Variants in DPYD observed in about 807,000 individuals in gnomAD.
DPYD encodes the protein dihydropyrimidine dehydrogenase, also known as dihydropyrimidine dehydrogenase [NADP(+)].
Under a neutral mutation model 116.2 loss-of-function variants are expected in DPYD, and 109 were observed. The ratio of observed to expected loss-of-function variants is 0.94; its 90% CI spans 0.80 to 1.10. The LOEUF (loss-of-function observed/expected upper bound fraction) is 1.10. Ranked by LOEUF, DPYD falls within the 50% of genes least tolerant of loss-of-function variation. The pLI is 0.00. For synonymous variants in DPYD, 440 were observed against 432.0 expected (o/e 1.02, Z -0.23); for missense variants, 1,302 against 1,254.5 (o/e 1.04, Z -0.57).
chr1:97,421,605 A>G (rs1309275544), intron 14 of DPYD, among the ~76,000 whole-genome samples: 3 of 152,164 alleles, frequency 2.0e-5, no homozygotes, highest in Non-Finnish European at 4.4e-5. Context: ...TTGTTGGAAG[A>G]ATGTATTGTA....
chr1:97,887,290 T>C (rs1256389609), intron 1 of DPYD, among the ~76,000 whole-genome samples: 1 of 151,226 alleles, frequency 6.6e-6, no homozygotes, highest in Non-Finnish European at 1.5e-5. Context: ...GGCAACACAG[T>C]GAATCCCCAT....
intron 2 of DPYD, among the ~76,000 whole-genome samples, chr1:97,866,912 A>T (rs1288096581): frequency 6.6e-6 from 1 of 151,834 alleles, no homozygotes; most frequent in African/African-American, 2.4e-5. Flanking sequence ...AGTGACTAGG[A>T]GCCTGGGAAA....
At chr1:97,396,973 A>G (rs1426551623) in intron 14 of DPYD, among the ~76,000 whole-genome samples, 1 of 152,038 alleles carries the variant, frequency 6.6e-6, no homozygotes, top group African/African-American at 2.4e-5. Flanking sequence ...GTTTATTTAT[A>G]TACTTCTCTT....
At chr1:97,117,472 T>C (rs1043056830) in intron 20 of DPYD, among the ~76,000 whole-genome samples, 1 of 152,212 alleles carries the variant, frequency 6.6e-6, no homozygotes, top group Non-Finnish European at 1.5e-5. Context: ...GTTTCTTATG[T>C]ACTAATTCAA....
chr1:97,257,452 T>TATATATATATATAGAGAGAGAGAGAG (rs375490078), intron 18 of DPYD, among the ~76,000 whole-genome samples: 23 of 126,468 alleles, frequency 1.8e-4, no homozygotes, highest in African/African-American at 6.9e-4. Flanking sequence ...TATATATATA[T>TATATATATATATAGAGAGAGAGAGAG]AGAGAGAGAG....
chr1:97,542,522 A>C (rs951163293), intron 12 of DPYD, among the ~76,000 whole-genome samples: 3 of 152,046 alleles, frequency 2.0e-5, no homozygotes, highest in Non-Finnish European at 2.9e-5. Flanking sequence ...AATTTTTCTT[A>C]TTCTTTTTAA....
rs538163698 is a variant in DPYD at position 97,289,169 on chromosome 1, A to G, written c.2299+16090T>C. 5.1e-4 allele frequency among the ~76,000 whole-genome samples: 77 copies of G among 152,322 alleles called. No individual in the cohort carries two copies. In the East Asian group the frequency reaches 0.014, roughly 29 times the overall value. On this transcript the variant is annotated intron_variant, in intron 18 of 22. Coordinates refer to ENST00000370192, the MANE Select transcript of DPYD (RefSeq NM_000110.4). ...CTGAATCTCTGAATAGAGCAATAACAGGCTCTGAAATTGTGGCAATAATCA... is the reference window on the plus strand; with the variant it reads ...CTGAATCTCTGAATAGAGCAATAACGGGCTCTGAAATTGTGGCAATAATCA...
chr1:97,194,497 CTTTT>C (rs1046137035), intron 19 of DPYD, among the ~76,000 whole-genome samples: 5 of 151,806 alleles, frequency 3.3e-5, no homozygotes, highest in African/African-American at 1.2e-4. Context: ...TCAGGTATAT[CTTTT>C]TATTTATTTA....
intron 5 of DPYD, among the ~76,000 whole-genome samples, chr1:97,716,233 A>G (rs1051457316): frequency 5.9e-5 from 9 of 152,104 alleles, no homozygotes; most frequent in Non-Finnish European, 1.3e-4. Context: ...ATAAATGTTT[A>G]CAGTCCCTTG....
chr1:97,094,726 C>T (rs936266423), intron 21 of DPYD, among the ~76,000 whole-genome samples: 1 of 151,934 alleles, frequency 6.6e-6, no homozygotes, highest in African/African-American at 2.4e-5. Flanking sequence ...AAAGATGTCT[C>T]GGATGGAGAA....
chr1:97,755,495 C>T (rs984381820), intron 3 of DPYD, among the ~76,000 whole-genome samples: 2 of 152,170 alleles, frequency 1.3e-5, no homozygotes, highest in African/African-American at 2.4e-5. Context: ...TTTTGTCTCA[C>T]CAGACCCAGA....
intron 13 of DPYD, among the ~76,000 whole-genome samples, chr1:97,497,632 C>T (rs999061713): frequency 1.3e-5 from 2 of 151,756 alleles, no homozygotes; most frequent in East Asian, 1.9e-4. Context: ...TGGGAAACAA[C>T]TTCATACCCA....
chr1:97,865,547 T>C (rs1181609071), intron 2 of DPYD, among the ~76,000 whole-genome samples: 18 of 151,962 alleles, frequency 1.2e-4, no homozygotes, highest in Admixed American at 1.1e-3. Context: ...TCCTTCACCC[T>C]CTGATTAACC....
chr1:97,349,984 T>C (rs932261676), intron 16 of DPYD, among the ~76,000 whole-genome samples: 2 of 143,554 alleles, frequency 1.4e-5, no homozygotes, highest in African/African-American at 2.5e-5. Context: ...ACAAGAGAAA[T>C]GCTATGTAAG....
intron 14 of DPYD, among the ~76,000 whole-genome samples, chr1:97,388,003 G>A (rs1672452544): frequency 6.6e-6 from 1 of 152,118 alleles, no homozygotes; most frequent in South Asian, 2.1e-4. Context: ...GGATAAGTGG[G>A]TTAAGGGTGA....
intron 11 of DPYD, among the ~76,000 whole-genome samples, chr1:97,557,834 CATG>C (rs1651858368): frequency 6.6e-6 from 1 of 152,164 alleles, no homozygotes; most frequent in African/African-American, 2.4e-5. Context: ...ATCTCTAGTA[CATG>C]GCAGGCATAC....
chr1:97,611,507 G>GT (rs1202664534), intron 8 of DPYD, among the ~76,000 whole-genome samples: 1 of 151,968 alleles, frequency 6.6e-6, no homozygotes, highest in East Asian at 1.9e-4. Flanking sequence ...TAAATATAAG[G>GT]TGTTCTAGGA....
intron 20 of DPYD, among the ~76,000 whole-genome samples, chr1:97,155,110 AG>A (rs1381005454): frequency 2.7e-4 from 41 of 152,290 alleles, no homozygotes; most frequent in Non-Finnish European, 1.3e-4. Flanking sequence ...TCCTCTTTGC[AG>A]GGAACGTATA....
At chr1:97,769,764 A>G (rs996462100) in intron 3 of DPYD, among the ~76,000 whole-genome samples, 1 of 152,192 alleles carries the variant, frequency 6.6e-6, no homozygotes, top group African/African-American at 2.4e-5. Context: ...TCACTGTCCA[A>G]AGAAATAAAA....
Sources: gnomAD v4.1 joint callset for allele counts (sites outside exome capture counted in the v4.1 genomes callset) on GRCh38, gnomAD v4.1.1 for gene constraint, MANE v1.5 for transcripts, NCBI Gene and HGNC (gene_info 2026-07-23, HGNC 2026-07-21) for gene names.